RBPJL: variants seen among roughly 807,000 people sequenced by gnomAD.
The protein encoded by RBPJL is recombination signal binding protein for immunoglobulin kappa J region like.
RBPJL carries 50 observed loss-of-function variants against 57.6 expected under a neutral mutation model. The ratio of observed to expected loss-of-function variants is 0.87; its 90% CI spans 0.69 to 1.10. The LOEUF (loss-of-function observed/expected upper bound fraction) is 1.10, where lower values mean the gene tolerates loss of function less well. Among genes scored for constraint, RBPJL ranks in the 50% least tolerant of loss-of-function variants. The pLI is 0.00. For synonymous variants in RBPJL, 303 were observed against 294.4 expected, an observed-to-expected ratio of 1.03 and a Z score of -0.30; for missense variants, 684 against 693.7, an observed-to-expected ratio of 0.99 and a Z score of 0.16.
At chr20:45,309,508 T>C (rs1033493101) in intron 2 of RBPJL, 59 bp from the exon 3 acceptor site, 48 of 1,542,272 alleles carry the variant, frequency 3.1e-5, no homozygotes, top group Non-Finnish European at 4.0e-5. Context: ...GCTTGGACCC[T>C]GTGCCACCTT....
chr20:45,311,127 A>C (rs536320024), intron 3 of RBPJL, among the ~76,000 whole-genome samples: 1 of 150,874 alleles, frequency 6.6e-6, no homozygotes, highest in East Asian at 1.9e-4. Context: ...AAAAAAAAAA[A>C]AAAAGAAAAA....
chr20:45,316,544 TGTGGTTTGGG>T lies in RBPJL; in HGVS notation c.1246_1255del (p.Trp416ThrfsTer39), dbSNP rs746633666. ...GAGAACTTCCACGCGGGGCTCAAGGTGTGGTTTGGGGACGTGGAGGCAGAAACCATGTACA... is the reference window on the plus strand; with the variant it reads ...GAGAACTTCCACGCGGGGCTCAAGGTGACGTGGAGGCAGAAACCATGTACA... On this transcript the variant is annotated frameshift_variant, in exon 11 of 12. Coordinates refer to ENST00000343694, the MANE Select transcript of RBPJL (RefSeq NM_014276.4). LOFTEE classifies it high-confidence loss of function. The T allele has an allele frequency of 6.5e-7, 1 of 1,538,892 alleles. No homozygotes were observed. Among genetic ancestry groups the T allele is most frequent in the Non-Finnish European group, 8.7e-7 (1 of 1,143,386 alleles).
intron 3 of RBPJL, among the ~76,000 whole-genome samples, chr20:45,310,443 C>T (rs1987107211): frequency 6.6e-6 from 1 of 151,930 alleles, no homozygotes; most frequent in South Asian, 2.1e-4. Flanking sequence ...CCCCTCTCTA[C>T]CAAAAAATAC....
intron 2 of RBPJL, 141 bp downstream of exon 2, chr20:45,308,392 A>G (rs2145683560): frequency 1.6e-6 from 1 of 617,198 alleles, no homozygotes; most frequent in Non-Finnish European, 2.9e-6. Context: ...GCAGGGAGGG[A>G]TCCCCCCTTC....
intron 9 of RBPJL, 33 bp downstream of exon 9, chr20:45,314,598 C>CT: frequency 6.3e-7 from 1 of 1,598,008 alleles, no homozygotes; most frequent in Non-Finnish European, 8.6e-7. Flanking sequence ...ACCAAGTGTC[C>CT]TGGAAAGGGA....
Position 45,308,243 on chromosome 20 carries a change from T to G in RBPJL, c.123T>G (p.Thr41=), listed in dbSNP as rs764168176. Residue 41 remains threonine, a synonymous_variant, in exon 2 of 12, where the codon ACT becomes ACG. Coordinates refer to ENST00000343694, the MANE Select transcript of RBPJL (RefSeq NM_014276.4). ...SEADRRSLPG[T]WTRSSPEHTT... The stretch of plus-strand genomic sequence containing the variant: ...CCGACAGGCGGAGCCTCCCGGGCAC[T>G]TGGACCAGGTAACGGCGGCGTGGCA... 6.2e-7 allele frequency: 1 copy of G among 1,611,394 alleles called. No homozygotes were observed. The highest frequency in any genetic ancestry group is 8.5e-7 in the Non-Finnish European group (1 of 1,177,642).
At chr20:45,308,351 G>A in intron 2 of RBPJL, 100 bp downstream of exon 2, 2 of 730,796 alleles carry the variant, frequency 2.7e-6, no homozygotes, top group South Asian at 3.0e-5. Context: ...CGGGTGGGGA[G>A]GGGAAGTGCA....
chr20:45,316,264 G>A lies in RBPJL; in HGVS notation c.1098G>A (p.Ser366=), dbSNP rs1464508323. Residue 366 remains serine (S), a synonymous_variant, in exon 10 of 12, where the codon TCG becomes TCA. Transcript: ENST00000343694. ...SSCWTIIGTE[S]VEFSFSTSLA... is the part of the protein sequence containing the mutation. ...GCTGGACCATCATCGGCACCGAGTC[G>A]GTGGAATTTTCCTTCAGCACCAGCC... 6 of 1,614,080 alleles carry A rather than the reference G, an allele frequency of 3.7e-6. No individual in the cohort carries two copies. The African/African-American group carries it at 5.3e-5, about 14-fold the overall frequency.
chr20:45,309,631 G>A lies in RBPJL; in HGVS notation c.196G>A (p.Glu66Lys), dbSNP rs1987042221. 1.9e-6 allele frequency: 3 copies of A among 1,613,750 alleles called. No homozygotes were observed. In the South Asian group the frequency reaches 3.3e-5, roughly 18 times the overall value. Residue 66 changes from glutamate (E) to lysine (K), a missense_variant, in exon 3 of 12, where the codon GAA becomes AAA. Physicochemically the swap from Glu to Lys is moderately conservative, Grantham distance 56. Coordinates refer to ENST00000343694, the MANE Select transcript of RBPJL (RefSeq NM_014276.4). ...GCGCAGGTGCCTGCAGCAACAGTGT[G>A]AACAGACTGTGCGGATCCTGCATGC... is the stretch of plus-strand genomic sequence containing the variant. Reference protein sequence around the residue: ...GVRRCLQQQCEQTVRILHAKV... With the variant: ...GVRRCLQQQCKQTVRILHAKV...
chr20:45,309,789 C>A, intron 3 of RBPJL, 97 bp downstream of exon 3: 2 of 1,492,392 alleles, frequency 1.3e-6, no homozygotes, highest in Middle Eastern at 1.7e-4. Context: ...GCAGAGCAGG[C>A]CTCAGGGCTG....
intron 7 of RBPJL, 40 bp downstream of exon 7, chr20:45,313,645 T>A (rs753262500): frequency 2.0e-6 from 3 of 1,536,804 alleles, no homozygotes; most frequent in Admixed American, 2.0e-5. Context: ...GCACTTCACA[T>A]GCATTAGCTT....
In RBPJL at chr20:45,314,300, G is replaced by A. The variant is rs562171010; in HGVS notation, c.868-113G>A. 209 of 1,332,384 alleles carry A rather than the reference G, an allele frequency of 1.6e-4. 1 individual carries two copies. In the African/African-American group the frequency reaches 2.7e-3, roughly 18 times the overall value. 82.5% of individuals were successfully genotyped at this position (1,332,384 alleles called of 1,614,324 possible). On this transcript the variant is annotated intron_variant, in intron 8 of 11. Transcript: ENST00000343694. ...ACCAGACAGAAGTCAAAGGGCAGGG[G>A]GAATCTGCTAGTGCCTGTGTGGCTA...
rs775760627 is a variant in RBPJL, at chr20:45,314,118, G to T, written c.841G>T (p.Val281Phe). The T allele has an allele frequency of 7.4e-6, 12 of 1,613,934 alleles. No homozygotes were observed. The highest frequency in any genetic ancestry group is 3.3e-4 in the Middle Eastern group (2 of 6,060). ...YGSLVQLVCTVTGITLPPMII... is the reference protein window; with the variant it reads ...YGSLVQLVCTFTGITLPPMII... ...CTCCCTGGTGCAGCTCGTCTGCACG[G>T]TCACCGGCATCACACTACCTCCCAT... The change falls in exon 8 of 12, where the codon GTC becomes TTC. Residue 281 changes from valine (V) to phenylalanine (F), a missense_variant. Val to Phe is a conservative substitution (Grantham distance 50, BLOSUM62 -1). Coordinates refer to ENST00000343694, the MANE Select transcript of RBPJL (RefSeq NM_014276.4).
chr20:45,310,890 AT>A (rs1166182712), intron 3 of RBPJL, among the ~76,000 whole-genome samples: 1 of 152,134 alleles, frequency 6.6e-6, no homozygotes, highest in Non-Finnish European at 1.5e-5. Flanking sequence ...AGGTGGGCAG[AT>A]TGCTTGAGCC....
chr20:45,311,952 A>G lies in RBPJL; in HGVS notation c.442A>G (p.Arg148Gly). 1 of 1,549,646 alleles carries G rather than the reference A, an allele frequency of 6.5e-7. No individual in the cohort carries two copies. The highest frequency in any genetic ancestry group is 8.7e-7 in the Non-Finnish European group (1 of 1,145,486). The change falls in exon 5 of 12, where the codon AGG becomes GGG. Residue 148 changes from arginine to glycine, a missense_variant and splice_region_variant. Transcript: ENST00000343694. The stretch of plus-strand genomic sequence containing the variant: ...GAATTTCGAGCAGCAGCCGGACTCC[A>G]GGGTGAGAGCGCACGGGAAGGGGTC... The part of the protein sequence containing the change: ...KLNFEQQPDS[R>G]EFGCAKTLYI...
In RBPJL at chr20:45,313,465, C is replaced by G. The variant is rs1987297327; in HGVS notation, c.620-3C>G. On this transcript the variant is annotated splice_polypyrimidine_tract_variant and splice_region_variant and intron_variant, in intron 6 of 11. Coordinates refer to ENST00000343694, the MANE Select transcript of RBPJL (RefSeq NM_014276.4). The stretch of plus-strand genomic sequence containing the variant: ...ACCCTAACCCTGACCCTCACCCTCA[C>G]AGTGTGCATATCCTCCGGCTCAAAG... 6.2e-7 allele frequency: 1 copy of G among 1,609,808 alleles called. No individual in the cohort carries two copies. Among genetic ancestry groups the G allele is most frequent in the South Asian group, 1.1e-5 (1 of 90,188 alleles).
intron 6 of RBPJL, among the ~76,000 whole-genome samples, chr20:45,312,775 A>G (rs528478609): frequency 1.3e-5 from 2 of 150,574 alleles, no homozygotes; most frequent in East Asian, 3.9e-4. Context: ...GGATCAGTTG[A>G]TCCCAGAAGT....
Position 45,309,655 on chromosome 20 carries a change from G to A in RBPJL, c.220G>A (p.Ala74Thr). The change falls in exon 3 of 12, where the codon GCC becomes ACC. Residue 74 changes from alanine to threonine, a missense_variant. Physicochemically the swap from Ala to Thr is moderately conservative, Grantham distance 58. Coordinates refer to ENST00000343694, the MANE Select transcript of RBPJL (RefSeq NM_014276.4). ...TGAACAGACTGTGCGGATCCTGCAT[G>A]CCAAGGTGGCCCAGAAATCATACGG... is the stretch of plus-strand genomic sequence containing the variant. ...QCEQTVRILH[A>T]KVAQKSYGNE... The A allele has an allele frequency of 6.2e-7, 1 of 1,613,746 alleles. No homozygotes were observed. The highest frequency in any genetic ancestry group is 2.2e-5 in the East Asian group (1 of 44,852).
At chr20:45,315,569 T>C (rs1027809775) in intron 9 of RBPJL, among the ~76,000 whole-genome samples, 1 of 151,684 alleles carries the variant, frequency 6.6e-6, no homozygotes, top group African/African-American at 2.4e-5. Context: ...TGAAACCCTG[T>C]CTCTACTAAA....
Sources: gnomAD v4.1 joint callset for allele counts (sites outside exome capture counted in the v4.1 genomes callset) on GRCh38, gnomAD v4.1.1 for gene constraint, MANE v1.5 for transcripts, NCBI Gene and HGNC (gene_info 2026-07-23, HGNC 2026-07-21) for gene names.